The following SLC44A5 variants were observed in gnomAD, a reference collection of about 807,000 sequenced individuals.
SLC44A5 encodes choline transporter-like protein 5.
Under a neutral mutation model 101.8 loss-of-function variants are expected in SLC44A5, and 57 were observed. The ratio of observed to expected loss-of-function variants is 0.56; its 90% confidence interval spans 0.45 to 0.70. The LOEUF is 0.70. Among genes scored for constraint, SLC44A5 ranks in the 30% least tolerant of loss-of-function variants. The probability of loss-of-function intolerance (pLI) is 0.00; values close to 1 mark genes in which losing one functional copy is unlikely to be tolerated. For synonymous variants in SLC44A5, 281 were observed against 290.9 expected (o/e 0.97, Z 0.35); for missense variants, 737 against 853.1 (o/e 0.86, Z 1.70).
chr1:75,477,364 G>A (rs1196505460), intron 2 of SLC44A5, among the ~76,000 whole-genome samples: 1 of 152,192 alleles, frequency 6.6e-6, no homozygotes, highest in Non-Finnish European at 1.5e-5. Context: ...TCCTCCAAAG[G>A]AACGCAGTTC....
chr1:75,350,233 C>A (rs944198937), intron 3 of SLC44A5, among the ~76,000 whole-genome samples: 4 of 151,528 alleles, frequency 2.6e-5, no homozygotes, highest in South Asian at 2.1e-4. Flanking sequence ...CTCCCTTTGC[C>A]GTGTGAGGAC....
intron 2 of SLC44A5, among the ~76,000 whole-genome samples, chr1:75,430,034 T>G (rs992514282): frequency 2.6e-5 from 4 of 152,086 alleles, no homozygotes; most frequent in African/African-American, 9.7e-5. Flanking sequence ...AATAGTCAGG[T>G]GAGCAGTTTG....
chr1:75,608,331 A>ATGTGTGTGTG (rs113982384), intron 1 of SLC44A5, among the ~76,000 whole-genome samples: 3 of 148,588 alleles, frequency 2.0e-5, no homozygotes, highest in African/African-American at 7.4e-5. Flanking sequence ...TGTGAGGGGT[A>ATGTGTGTGTG]TGTGTGTGTG....
At chr1:75,499,295 G>C (rs1245208570) in intron 2 of SLC44A5, among the ~76,000 whole-genome samples, 3 of 152,154 alleles carry the variant, frequency 2.0e-5, no homozygotes, top group Admixed American at 2.0e-4. Flanking sequence ...AGATCATCAG[G>C]CATTAGATTA....
chr1:75,519,298 C>T lies in SLC44A5; in HGVS notation c.13+22137G>A, dbSNP rs1002189427. 8.5e-5 allele frequency among the ~76,000 whole-genome samples: 13 copies of T among 152,212 alleles called. 1 individual carries two copies. The highest frequency in any genetic ancestry group is 3.1e-4 in the African/African-American group (13 of 41,524). On this transcript the variant is annotated intron_variant, in intron 2 of 23. Coordinates refer to ENST00000370859, the MANE Select transcript of SLC44A5 (RefSeq NM_001130058.2). ...ATTGGCGAGGTGTGGTGGCTCACGCCTGTAATCCCAACACTTTGAGAGGCT... is the reference window on the plus strand; with the variant it reads ...ATTGGCGAGGTGTGGTGGCTCACGCTTGTAATCCCAACACTTTGAGAGGCT...
At position 75,227,714 on chromosome 1, in the gene SLC44A5, T is replaced by C; in HGVS notation, c.985+12A>G. On this transcript the variant is annotated intron_variant, in intron 13 of 23. Coordinates refer to ENST00000370859, the MANE Select transcript of SLC44A5 (RefSeq NM_001130058.2). ...TTACAATTTTAATGAAACCAGTTTT[T>C]AAAATACTCACTAAATGTGAACCAT... 6.5e-7 allele frequency: 1 copy of C among 1,544,078 alleles called. No homozygotes were observed. Among genetic ancestry groups the C allele is most frequent in the Non-Finnish European group, 8.7e-7 (1 of 1,156,056 alleles).
chr1:75,316,862 G>A (rs1373126583), intron 4 of SLC44A5, among the ~76,000 whole-genome samples: 1 of 152,160 alleles, frequency 6.6e-6, no homozygotes, highest in African/African-American at 2.4e-5. Context: ...CATGGCCACA[G>A]TAAGTCTTGA....
intron 4 of SLC44A5, among the ~76,000 whole-genome samples, chr1:75,328,695 CT>C (rs1656794922): frequency 6.6e-6 from 1 of 152,124 alleles, no homozygotes; most frequent in South Asian, 2.1e-4. Flanking sequence ...ACAAAGCTCC[CT>C]GGGAAAAAAT....
chr1:75,220,103 C>G (rs573377451), intron 14 of SLC44A5, among the ~76,000 whole-genome samples: 2 of 152,100 alleles, frequency 1.3e-5, no homozygotes, highest in Non-Finnish European at 2.9e-5. Flanking sequence ...AGACTCCTGC[C>G]TAAAGTCCCT....
chr1:75,495,578 G>A (rs879543865), intron 2 of SLC44A5, among the ~76,000 whole-genome samples: 10 of 151,844 alleles, frequency 6.6e-5, no homozygotes, highest in Non-Finnish European at 1.2e-4. Flanking sequence ...GTATCATAGA[G>A]CTGAATAATA....
At chr1:75,555,035 A>G (rs1238133419) in intron 1 of SLC44A5, among the ~76,000 whole-genome samples, 1 of 152,138 alleles carries the variant, frequency 6.6e-6, no homozygotes, top group Non-Finnish European at 1.5e-5. Context: ...AAACAAATAA[A>G]GACAGTACAC....
intron 2 of SLC44A5, among the ~76,000 whole-genome samples, chr1:75,432,490 G>T (rs1664669103): frequency 6.6e-6 from 1 of 152,072 alleles, no homozygotes; most frequent in East Asian, 1.9e-4. Context: ...TAAATATTAT[G>T]TGTATCATTA....
intron 2 of SLC44A5, among the ~76,000 whole-genome samples, chr1:75,518,912 A>G (rs988383299): frequency 1.3e-5 from 2 of 152,200 alleles, no homozygotes; most frequent in Admixed American, 6.5e-5. Flanking sequence ...AAATGTCCTA[A>G]AATTAAATGC....
chr1:75,249,637 C>T (rs1328901667), intron 7 of SLC44A5, among the ~76,000 whole-genome samples: 3 of 152,198 alleles, frequency 2.0e-5, no homozygotes, highest in Non-Finnish European at 4.4e-5. Context: ...GTATTTATCA[C>T]TCCTTTTCTA....
intron 3 of SLC44A5, among the ~76,000 whole-genome samples, chr1:75,348,475 T>C (rs1658414000): frequency 6.6e-6 from 1 of 152,140 alleles, no homozygotes; most frequent in Non-Finnish European, 1.5e-5. Flanking sequence ...AAATCCACCA[T>C]AGCCTTAAGA....
chr1:75,387,082 A>T (rs946642918), intron 3 of SLC44A5, among the ~76,000 whole-genome samples: 3 of 152,144 alleles, frequency 2.0e-5, no homozygotes, highest in African/African-American at 4.8e-5. Context: ...AAGACTTACA[A>T]GTTAGACCTA....
intron 3 of SLC44A5, among the ~76,000 whole-genome samples, chr1:75,348,150 C>T (rs917496205): frequency 1.3e-5 from 2 of 151,400 alleles, no homozygotes; most frequent in Admixed American, 6.6e-5. Flanking sequence ...TCTCTCTCTC[C>T]TCTCTCTCTC....
At chr1:75,228,378 CTTTT>C (rs1209015772) in intron 12 of SLC44A5, among the ~76,000 whole-genome samples, 1 of 151,964 alleles carries the variant, frequency 6.6e-6, no homozygotes, top group Non-Finnish European at 1.5e-5. Context: ...CTTCCACTTT[CTTTT>C]GTTATTGATT....
chr1:75,675,786 A>G, the SLC44A5 span, among the ~76,000 whole-genome samples: 1 of 152,332 alleles, frequency 6.6e-6, no homozygotes, highest in East Asian at 1.9e-4. Context: ...AATGAGAGAA[A>G]ATTTTTGCAA....
Sources: allele counts gnomAD v4.1 joint callset (sites outside exome capture counted in the v4.1 genomes callset), GRCh38; gene constraint gnomAD v4.1.1; transcripts MANE v1.5; gene names NCBI Gene and HGNC (gene_info 2026-07-23, HGNC 2026-07-21).